Variants in FGGY observed in about 807,000 individuals in gnomAD.
The protein encoded by FGGY is FGGY carbohydrate kinase domain-containing protein.
FGGY carries 72 observed loss-of-function variants against 71.3 expected under a neutral mutation model. The ratio of observed to expected loss-of-function variants is 1.01; its 90% confidence interval spans 0.84 to 1.23. The LOEUF is 1.23. Among genes scored for constraint, FGGY ranks in the 50% most tolerant of loss-of-function variants. The pLI, the probability that FGGY is intolerant of heterozygous loss-of-function variation, is 0.00. For missense variants in FGGY, 668 were observed against 682.3 expected, an observed-to-expected ratio of 0.98 and a Z score of 0.23; for synonymous variants, 251 against 250.3, an observed-to-expected ratio of 1.00 and a Z score of -0.02.
chr1:59,452,518 A>G (rs1164801974), intron 5 of FGGY, among the ~76,000 whole-genome samples: 2 of 151,998 alleles, frequency 1.3e-5, no homozygotes, highest in South Asian at 2.1e-4. Context: ...CATCATTTCT[A>G]CTTCTGTGGG....
intron 5 of FGGY, among the ~76,000 whole-genome samples, chr1:59,453,129 A>G (rs1369044051): frequency 6.6e-6 from 1 of 152,136 alleles, no homozygotes; most frequent in Admixed American, 6.6e-5. Flanking sequence ...GTACTCACTA[A>G]ACTTTACCAG....
rs1310152639 is a variant in FGGY, at chr1:59,701,259, C to T, written c.1512+27126C>T. 2.0e-5 allele frequency among the ~76,000 whole-genome samples: 3 copies of T among 152,196 alleles called. 1 individual carries two copies. Among genetic ancestry groups the T allele is most frequent in the Admixed American group, 6.5e-5 (1 of 15,272 alleles). On this transcript the variant is annotated intron_variant, in intron 14 of 15. Transcript: ENST00000303721. ...TGAACATAAGGCAGAAGTGGAATCC[C>T]AGCACAGTTCATCCTCAGTGCTCCA...
chr1:59,327,341 GA>G (rs2047627421), intron 2 of FGGY, among the ~76,000 whole-genome samples: 1 of 152,154 alleles, frequency 6.6e-6, no homozygotes, highest in African/African-American at 2.4e-5. Flanking sequence ...ATCTTTATCA[GA>G]AGTAGATTCC....
intron 5 of FGGY, among the ~76,000 whole-genome samples, chr1:59,446,297 A>G (rs2071225453): frequency 6.6e-6 from 1 of 151,962 alleles, no homozygotes; most frequent in African/African-American, 2.4e-5. Context: ...AATTCCCTCA[A>G]CTCGATTATT....
chr1:59,396,165 C>T (rs774303616), intron 5 of FGGY, among the ~76,000 whole-genome samples: 3 of 152,138 alleles, frequency 2.0e-5, no homozygotes, highest in Admixed American at 6.5e-5. Flanking sequence ...CTGATGGATG[C>T]TAAAGTTTGA....
chr1:59,757,043 G>A lies in FGGY; in HGVS notation c.1513-888G>A, dbSNP rs572760768. Among the ~76,000 whole-genome samples, 10 of 152,172 alleles carry A rather than the reference G, an allele frequency of 6.6e-5. No homozygotes were observed. The South Asian group carries it at 2.1e-3, about 32-fold the overall frequency. ...TAATAAATGTGTAGAATAAGAAGTT[G>A]TACACATGTGATCCCAGAATGACTG... On this transcript the variant is annotated intron_variant, in intron 14 of 15. Transcript: ENST00000303721.
Position 59,670,845 on chromosome 1 carries a change from C to T in FGGY, c.1418-3194C>T, listed in dbSNP as rs149868511. Among the ~76,000 whole-genome samples, 122 of 152,288 alleles carry T rather than the reference C, an allele frequency of 8.0e-4. 1 individual carries two copies. Among genetic ancestry groups the T allele is most frequent in the African/African-American group, 2.8e-3 (118 of 41,554 alleles). Reference sequence around the variant, plus strand: ...TGCTGTCTACATGAGGAGGAAGAACCTCCTTGTACCCTGGTCATTTGGTTA... The same window carrying T: ...TGCTGTCTACATGAGGAGGAAGAACTTCCTTGTACCCTGGTCATTTGGTTA... On this transcript the variant is annotated intron_variant, in intron 13 of 15. Transcript: ENST00000303721.
chr1:59,649,325 G>A (rs1210340443), intron 11 of FGGY, among the ~76,000 whole-genome samples: 7 of 139,278 alleles, frequency 5.0e-5, no homozygotes, highest in African/African-American at 8.3e-5. Flanking sequence ...CATTGAATCT[G>A]TAAATTACCT....
At chr1:59,615,662 A>G (rs866662822) in intron 9 of FGGY, among the ~76,000 whole-genome samples, 9 of 152,212 alleles carry the variant, frequency 5.9e-5, no homozygotes, top group Admixed American at 1.3e-4. Context: ...TCATTAAACT[A>G]AAGAGCTTCT....
Position 59,429,683 on chromosome 1 carries a change from T to C in FGGY, c.555-27278T>C, listed in dbSNP as rs150538786. 6.6e-4 allele frequency among the ~76,000 whole-genome samples: 101 copies of C among 152,298 alleles called. 1 individual carries two copies. Among genetic ancestry groups the C allele is most frequent in the African/African-American group, 2.4e-3 (99 of 41,562 alleles). The stretch of plus-strand genomic sequence containing the variant: ...GCATATGCATCCATGCATACACAGG[T>C]GTGCACATATGCATGTATACACACA... On this transcript the variant is annotated intron_variant, in intron 5 of 15. Coordinates refer to ENST00000303721, the MANE Select transcript of FGGY (RefSeq NM_018291.5).
At chr1:59,735,448 T>C (rs975438277) in intron 14 of FGGY, among the ~76,000 whole-genome samples, 3 of 152,218 alleles carry the variant, frequency 2.0e-5, no homozygotes, top group African/African-American at 7.2e-5. Context: ...CTTCTCTGAG[T>C]ATTGTTGGTT....
chr1:59,696,996 A>G (rs960808421), intron 14 of FGGY, among the ~76,000 whole-genome samples: 2 of 152,216 alleles, frequency 1.3e-5, no homozygotes, highest in Non-Finnish European at 2.9e-5. Context: ...CATGAAAAAA[A>G]AAAACCCTTT....
intron 6 of FGGY, among the ~76,000 whole-genome samples, chr1:59,488,668 A>G (rs2093731032): frequency 6.6e-6 from 1 of 151,496 alleles, no homozygotes; most frequent in Non-Finnish European, 1.5e-5. Flanking sequence ...AAACTCTTCA[A>G]ATATACAGCT....
chr1:59,541,396 T>G (rs765580955), intron 7 of FGGY, among the ~76,000 whole-genome samples: 7 of 152,104 alleles, frequency 4.6e-5, no homozygotes, highest in Non-Finnish European at 8.8e-5. Context: ...GAGGGCACAG[T>G]GCCCACCGAC....
chr1:59,451,584 G>T (rs991708059), intron 5 of FGGY, among the ~76,000 whole-genome samples: 1 of 151,818 alleles, frequency 6.6e-6, no homozygotes, highest in Non-Finnish European at 1.5e-5. Flanking sequence ...AGTGAGAAAG[G>T]GTCTCAGTGT....
At chr1:59,721,337 G>GTTTTTGTTTTTTTTTTT (rs2097891651) in intron 14 of FGGY, among the ~76,000 whole-genome samples, 4 of 105,368 alleles carry the variant, frequency 3.8e-5, no homozygotes, top group African/African-American at 1.7e-4. Flanking sequence ...TCTTTCCTTT[G>GTTTTTGTTTTTTTTTTT]TTTTTTTTTT....
intron 7 of FGGY, among the ~76,000 whole-genome samples, chr1:59,526,066 ATGTG>A (rs1164446175): frequency 6.6e-6 from 1 of 151,942 alleles, no homozygotes; most frequent in African/African-American, 2.4e-5. Context: ...GTGTACATTT[ATGTG>A]TGTGTCTGAT....
At chr1:59,671,125 C>T (rs2097373493) in intron 13 of FGGY, among the ~76,000 whole-genome samples, 1 of 152,210 alleles carries the variant, frequency 6.6e-6, no homozygotes, top group South Asian at 2.1e-4. Flanking sequence ...CAGTAATGTC[C>T]AGCCAAGAGG....
chr1:59,535,987 C>G (rs1235644737), intron 7 of FGGY, among the ~76,000 whole-genome samples: 3 of 149,990 alleles, frequency 2.0e-5, no homozygotes, highest in Non-Finnish European at 4.4e-5. Flanking sequence ...AAAATCACAG[C>G]AGAACTGAAG....
Sources: gnomAD v4.1 joint callset for allele counts (sites outside exome capture counted in the v4.1 genomes callset) on GRCh38, gnomAD v4.1.1 for gene constraint, MANE v1.5 for transcripts, NCBI Gene and HGNC (gene_info 2026-07-23, HGNC 2026-07-21) for gene names.